The following LPP variants were observed in gnomAD, a reference collection of about 807,000 sequenced individuals.
LPP encodes the protein lipoma-preferred partner.
In LPP, 38 loss-of-function variants were observed where a neutral mutation model predicts 60.4. That is an observed-to-expected ratio of 0.63 (90% CI 0.49 to 0.83). The LOEUF is 0.83. Among genes scored for constraint, LPP ranks in the 40% least tolerant of loss-of-function variants. The probability of loss-of-function intolerance (pLI) is 0.00; values close to 1 mark genes in which losing one functional copy is unlikely to be tolerated. For missense variants in LPP, 902 were observed against 783.6 expected (o/e 1.15, Z -1.80); for synonymous variants, 328 against 290.8 (o/e 1.13, Z -1.30).
chr3:188,245,492 A>T (rs1204202401), intron 2 of LPP, among the ~76,000 whole-genome samples: 1 of 152,152 alleles, frequency 6.6e-6, no homozygotes, highest in Non-Finnish European at 1.5e-5. Flanking sequence ...AATTCTCAGT[A>T]GATGTTTGCT....
intron 2 of LPP, among the ~76,000 whole-genome samples, chr3:188,336,453 A>G (rs1761663711): frequency 6.6e-6 from 1 of 152,158 alleles, no homozygotes; most frequent in African/African-American, 2.4e-5. Context: ...AGAGCAGGAT[A>G]TGCCCTGATT....
intron 7 of LPP, among the ~76,000 whole-genome samples, chr3:188,683,361 C>T (rs936774920): frequency 6.6e-6 from 1 of 152,056 alleles, no homozygotes; most frequent in Non-Finnish European, 1.5e-5. Flanking sequence ...CATTGGAGAA[C>T]CCTATGTGCT....
At chr3:188,569,569 TA>T (rs1833033184) in intron 6 of LPP, among the ~76,000 whole-genome samples, 1 of 152,056 alleles carries the variant, frequency 6.6e-6, no homozygotes, top group Non-Finnish European at 1.5e-5. Context: ...ATTGAGAAGT[TA>T]CTGTATCACT....
chr3:188,877,015 A>G lies in LPP; in HGVS notation c.*2536A>G. The G allele has an allele frequency of 5.7e-6, 1 of 175,574 alleles. No individual in the cohort carries two copies. Among genetic ancestry groups the G allele is most frequent in the Non-Finnish European group, 1.2e-5 (1 of 81,192 alleles). 10.9% of individuals were successfully genotyped at this position (175,574 alleles called of 1,614,324 possible). A position where few individuals can be genotyped will look rare whatever the true frequency, so the allele number is the denominator to read the frequency against. On this transcript the variant is annotated 3_prime_UTR_variant, in exon 12 of 12. Coordinates refer to ENST00000617246, the MANE Select transcript of LPP (RefSeq NM_001375462.1). ...CTTTTTAAGATAGACTTATTCTTTT[A>G]TAATAATGAATGTGCACTCATACAT...
intron 3 of LPP, among the ~76,000 whole-genome samples, chr3:188,404,126 C>T (rs1560357869): frequency 6.6e-6 from 1 of 152,166 alleles, no homozygotes; most frequent in Non-Finnish European, 1.5e-5. Context: ...TGACTTTCTA[C>T]AAGAATAGAG....
At chr3:188,541,571 A>G (rs1315401831) in intron 6 of LPP, among the ~76,000 whole-genome samples, 1 of 151,806 alleles carries the variant, frequency 6.6e-6, no homozygotes, top group African/African-American at 2.4e-5. Flanking sequence ...AAAAAAAAGT[A>G]AAGATTTGTA....
intron 7 of LPP, among the ~76,000 whole-genome samples, chr3:188,617,139 G>A (rs987882077): frequency 1.3e-5 from 2 of 152,128 alleles, no homozygotes; most frequent in African/African-American, 4.8e-5. Context: ...AAGGAAATAA[G>A]TTGGAAAAAA....
intron 5 of LPP, among the ~76,000 whole-genome samples, chr3:188,501,282 T>C (rs1006393395): frequency 6.6e-6 from 1 of 152,204 alleles, no homozygotes; most frequent in Non-Finnish European, 1.5e-5. Context: ...ATTTTTCTAT[T>C]TCCCTTGTGA....
chr3:188,296,210 A>T (rs1747827641), intron 2 of LPP, among the ~76,000 whole-genome samples: 1 of 152,214 alleles, frequency 6.6e-6, no homozygotes, highest in African/African-American at 2.4e-5. Context: ...GAGATAAATG[A>T]GACTTGGCCC....
intron 6 of LPP, among the ~76,000 whole-genome samples, chr3:188,577,749 CT>C (rs1835005942): frequency 7.1e-5 from 5 of 70,192 alleles, no homozygotes; most frequent in East Asian, 9.2e-4. Flanking sequence ...TCCTTTGTTC[CT>C]TCGTTCCTTC....
At chr3:188,470,281 TACACACAC>T (rs59656753) in intron 4 of LPP, among the ~76,000 whole-genome samples, 1,883 of 126,770 alleles carry the variant, frequency 0.015, 37 homozygotes, top group African/African-American at 0.053. Context: ...CTCTCTCTCA[TACACACAC>T]ACACACACAC....
rs557125279 is a variant in LPP at position 188,498,915 on chromosome 3, T to C, written c.306+14211T>C. Among the ~76,000 whole-genome samples the C allele has an allele frequency of 5.3e-5, 8 of 152,352 alleles. No individual in the cohort carries two copies. The South Asian group carries it at 1.4e-3, about 28-fold the overall frequency. ...CTAATGATTACTGATTTTGAGCATCTATTCATGTATGTATTAGCCATTTGT... is the reference window on the plus strand; with the variant it reads ...CTAATGATTACTGATTTTGAGCATCCATTCATGTATGTATTAGCCATTTGT... On this transcript the variant is annotated intron_variant, in intron 5 of 11. Transcript: ENST00000617246.
chr3:188,514,701 C>G lies in LPP; in HGVS notation c.307-9964C>G, dbSNP rs1014924856. On this transcript the variant is annotated intron_variant, in intron 5 of 11. Coordinates refer to ENST00000617246, the MANE Select transcript of LPP (RefSeq NM_001375462.1). ...AGGTGATCCTCCCGCCTCAGCCTCC[C>G]AAGGTGTTGGGATTACATGCATGAG... is the stretch of plus-strand genomic sequence containing the variant. Among the ~76,000 whole-genome samples, 9 of 152,322 alleles carry G rather than the reference C, an allele frequency of 5.9e-5. No individual in the cohort carries two copies. The East Asian group carries it at 1.7e-3, about 29-fold the overall frequency.
chr3:188,882,157 C>G lies in LPP; in HGVS notation c.*7678C>G, dbSNP rs770184693. 1.4e-5 allele frequency: 3 copies of G among 212,522 alleles called. No individual in the cohort carries two copies. Among genetic ancestry groups the G allele is most frequent in the Non-Finnish European group, 2.9e-5 (3 of 105,028 alleles). 13.2% of individuals were successfully genotyped at this position (212,522 alleles called of 1,614,324 possible). On this transcript the variant is annotated 3_prime_UTR_variant, in exon 12 of 12. Coordinates refer to ENST00000617246, the MANE Select transcript of LPP (RefSeq NM_001375462.1). ...TACTCAATAGGAAGGAATGTGACAT[C>G]AGGAAGAGTCATTCCAGTGACATTA...
intron 1 of LPP, among the ~76,000 whole-genome samples, chr3:188,221,540 A>G (rs1319950356): frequency 6.6e-6 from 1 of 152,232 alleles, no homozygotes; most frequent in Non-Finnish European, 1.5e-5. Context: ...CAGTTGTGCC[A>G]GAGTGGTTTC....
At chr3:188,612,149 G>A (rs543418526) in intron 7 of LPP, among the ~76,000 whole-genome samples, 1 of 151,826 alleles carries the variant, frequency 6.6e-6, no homozygotes, top group African/African-American at 2.4e-5. Context: ...CATCATATTC[G>A]GCTGTGCATT....
chr3:188,847,836 T>G (rs1016078217), intron 9 of LPP, among the ~76,000 whole-genome samples: 1 of 152,194 alleles, frequency 6.6e-6, no homozygotes, highest in Admixed American at 6.5e-5. Flanking sequence ...GTAATGTTAT[T>G]TAATAGAATG....
intron 7 of LPP, among the ~76,000 whole-genome samples, chr3:188,670,250 A>G (rs917947733): frequency 6.6e-6 from 1 of 152,220 alleles, no homozygotes; most frequent in African/African-American, 2.4e-5. Flanking sequence ...CGTAAAGTAT[A>G]ATAATAAAAA....
chr3:188,742,127 G>A (rs1724652084), intron 8 of LPP, among the ~76,000 whole-genome samples: 1 of 152,086 alleles, frequency 6.6e-6, no homozygotes, highest in African/African-American at 2.4e-5. Context: ...GATGAGAGTG[G>A]CTAAGACTAA....
Sources: allele counts gnomAD v4.1 joint callset (sites outside exome capture counted in the v4.1 genomes callset), GRCh38; gene constraint gnomAD v4.1.1; transcripts MANE v1.5; gene names NCBI Gene and HGNC (gene_info 2026-07-23, HGNC 2026-07-21).